ARHGEF28: variants seen among roughly 807,000 people sequenced by gnomAD.
ARHGEF28 encodes Rho guanine nucleotide exchange factor 28, also known as 190 kDa guanine nucleotide exchange factor.
Under a neutral mutation model 206.6 loss-of-function variants are expected in ARHGEF28, and 152 were observed. The observed-to-expected ratio is 0.74, with a 90% CI of 0.64 to 0.84. ARHGEF28 has a LOEUF of 0.84. Among genes scored for constraint, ARHGEF28 ranks in the 40% least tolerant of loss-of-function variants. The pLI, the probability that ARHGEF28 is intolerant of heterozygous loss-of-function variation, is 0.00. For missense variants in ARHGEF28, 2,028 were observed against 2,073.2 expected, an observed-to-expected ratio of 0.98 and a Z score of 0.42; for synonymous variants, 763 against 776.4, an observed-to-expected ratio of 0.98 and a Z score of 0.29.
Position 73,904,344 on chromosome 5 carries a change from AT to A in ARHGEF28, c.4114-10del. 1 of 1,613,256 alleles carries A rather than the reference AT, an allele frequency of 6.2e-7. No individual in the cohort carries two copies. Among genetic ancestry groups the A allele is most frequent in the Non-Finnish European group, 8.5e-7 (1 of 1,179,548 alleles). ...CTTTTTCAAGAATTTGACACTTACAATTTTGTTTTTCAGATTATACAAGCCA... is the reference window on the plus strand; with the variant it reads ...CTTTTTCAAGAATTTGACACTTACAATTTGTTTTTCAGATTATACAAGCCA... On this transcript the variant is annotated splice_polypyrimidine_tract_variant and intron_variant, in intron 32 of 35. Transcript: ENST00000513042.
intron 2 of ARHGEF28, among the ~76,000 whole-genome samples, chr5:73,732,036 A>C (rs193233756): frequency 1.8e-3 from 258 of 146,250 alleles, no homozygotes; most frequent in African/African-American, 6.4e-3. Context: ...TTTTTTTTTA[A>C]CAATTGATGA....
chr5:73,768,998 G>A (rs955622982), intron 4 of ARHGEF28, among the ~76,000 whole-genome samples: 22 of 151,920 alleles, frequency 1.4e-4, no homozygotes, highest in Admixed American at 1.0e-3. Flanking sequence ...CCCTCTTGCC[G>A]CTGCCATGTA....
intron 1 of ARHGEF28, among the ~76,000 whole-genome samples, chr5:73,666,425 C>T (rs775537509): frequency 2.6e-5 from 4 of 152,180 alleles, no homozygotes; most frequent in Non-Finnish European, 5.9e-5. Flanking sequence ...TGTCATGACT[C>T]TACTCGGAAT....
At chr5:73,839,003 C>T (rs1002841323) in intron 10 of ARHGEF28, among the ~76,000 whole-genome samples, 1 of 152,158 alleles carries the variant, frequency 6.6e-6, no homozygotes, top group Non-Finnish European at 1.5e-5. Context: ...TAAAAGAATA[C>T]AGACCAGTAT....
chr5:73,933,065 C>T (rs1191678046), intron 35 of ARHGEF28, among the ~76,000 whole-genome samples: 1 of 152,096 alleles, frequency 6.6e-6, no homozygotes, highest in Admixed American at 6.5e-5. Flanking sequence ...CCGTCTCGGC[C>T]TCCCAAAGTG....
At chr5:73,828,765 T>C (rs13164341) in intron 9 of ARHGEF28, among the ~76,000 whole-genome samples, 2 of 151,762 alleles carry the variant, frequency 1.3e-5, no homozygotes, top group African/African-American at 4.8e-5. Context: ...TCTCTTTCTG[T>C]CCTTCCTTCC....
At chr5:73,712,677 A>G (rs1293717075) in intron 2 of ARHGEF28, among the ~76,000 whole-genome samples, 1 of 152,250 alleles carries the variant, frequency 6.6e-6, no homozygotes, top group East Asian at 1.9e-4. Context: ...CACAAAGTTC[A>G]GTGAACTTTT....
At chr5:73,737,659 A>C (rs1580546551) in intron 2 of ARHGEF28, among the ~76,000 whole-genome samples, 1 of 128,400 alleles carries the variant, frequency 7.8e-6, no homozygotes, top group Non-Finnish European at 1.5e-5. Flanking sequence ...TTACAGGTGC[A>C]CGCTGCCACC....
intron 1 of ARHGEF28, among the ~76,000 whole-genome samples, chr5:73,641,375 A>G (rs1419977958): frequency 6.6e-6 from 1 of 151,372 alleles, no homozygotes; most frequent in Non-Finnish European, 1.5e-5. Flanking sequence ...ATTAGTGGGC[A>G]TAATGAAAAA....
chr5:73,828,640 CTCCTTTCCTTTCCTTTT>C (rs1757071838), intron 9 of ARHGEF28, among the ~76,000 whole-genome samples: 2 of 119,334 alleles, frequency 1.7e-5, no homozygotes, highest in Non-Finnish European at 3.8e-5. Flanking sequence ...CCTTTTGTTT[CTCCTTTCCTTTCCTTTT>C]TCCTTTCCTT....
chr5:73,663,085 A>T (rs1745712065), intron 1 of ARHGEF28, among the ~76,000 whole-genome samples: 1 of 152,156 alleles, frequency 6.6e-6, no homozygotes, highest in Non-Finnish European at 1.5e-5. Flanking sequence ...CTTCCCAAGT[A>T]GCTGGGATTA....
At chr5:73,834,121 C>T (rs1162952538) in intron 10 of ARHGEF28, among the ~76,000 whole-genome samples, 1 of 152,112 alleles carries the variant, frequency 6.6e-6, no homozygotes, top group African/African-American at 2.4e-5. Flanking sequence ...TGTTTTGATA[C>T]ATGTACATAT....
At chr5:73,789,925 C>CTGAA (rs1754372612) in intron 7 of ARHGEF28, among the ~76,000 whole-genome samples, 1 of 152,166 alleles carries the variant, frequency 6.6e-6, no homozygotes, top group Admixed American at 6.5e-5. Flanking sequence ...CTACCCTGGT[C>CTGAA]TGAAAACAAA....
intron 9 of ARHGEF28, among the ~76,000 whole-genome samples, chr5:73,828,604 C>CTCCTTTCCTTTCTTTTTTCCTTTT (rs1561435508): frequency 6.8e-6 from 1 of 147,734 alleles, no homozygotes; most frequent in African/African-American, 2.6e-5. Flanking sequence ...TTTTTCCTTT[C>CTCCTTTCCTTTCTTTTTTCCTTTT]TCCTTTCCTT....
At chr5:73,744,903 A>G (rs1444808039) in intron 2 of ARHGEF28, among the ~76,000 whole-genome samples, 1 of 152,038 alleles carries the variant, frequency 6.6e-6, no homozygotes, top group Admixed American at 6.6e-5. Context: ...TGAGACTATG[A>G]TGAAAGCCAT....
rs190249303 is a variant in ARHGEF28, at chr5:73,891,857, A to G, written c.3388-195A>G. Reference sequence around the variant, plus strand: ...CCAATTCTTAAGGATGAGCATGCCTATAATTCCTCTTTTTCCATCCTCTCT... The same window carrying G: ...CCAATTCTTAAGGATGAGCATGCCTGTAATTCCTCTTTTTCCATCCTCTCT... On this transcript the variant is annotated intron_variant, in intron 26 of 35. Coordinates refer to ENST00000513042, the MANE Select transcript of ARHGEF28 (RefSeq NM_001177693.2). Among the ~76,000 whole-genome samples, 364 of 152,302 alleles carry G rather than the reference A, an allele frequency of 2.4e-3. 2 individuals are homozygous for G. The highest frequency in any genetic ancestry group is 9.8e-3 in the South Asian group (47 of 4,816).
At chr5:73,880,401 C>G (rs1231415365) in intron 22 of ARHGEF28, among the ~76,000 whole-genome samples, 3 of 152,208 alleles carry the variant, frequency 2.0e-5, no homozygotes, top group Non-Finnish European at 4.4e-5. Context: ...ATGCCTCGCC[C>G]TGCTTCAGCT....
At chr5:73,828,885 A>G (rs1757109428) in intron 9 of ARHGEF28, among the ~76,000 whole-genome samples, 3 of 151,580 alleles carry the variant, frequency 2.0e-5, no homozygotes, top group Admixed American at 2.0e-4. Flanking sequence ...TAGTGGCGCT[A>G]TCACAGCTCA....
intron 7 of ARHGEF28, among the ~76,000 whole-genome samples, chr5:73,785,993 C>A (rs137988746): frequency 6.6e-6 from 1 of 150,450 alleles, no homozygotes; most frequent in Non-Finnish European, 1.5e-5. Flanking sequence ...CCATATCCAT[C>A]CATTCAGTAA....
Sources: gnomAD v4.1 joint callset for allele counts (sites outside exome capture counted in the v4.1 genomes callset) on GRCh38, gnomAD v4.1.1 for gene constraint, MANE v1.5 for transcripts, NCBI Gene and HGNC (gene_info 2026-07-23, HGNC 2026-07-21) for gene names.